Variants in AMOTL1 observed in about 807,000 individuals in gnomAD.
The protein encoded by AMOTL1 is angiomotin like 1.
In AMOTL1, 45 loss-of-function variants were observed where a neutral mutation model predicts 102.9. The observed-to-expected ratio is 0.44, with a 90% CI of 0.34 to 0.56. The LOEUF (loss-of-function observed/expected upper bound fraction) is 0.56, where lower values mean the gene tolerates loss of function less well. Ranked by LOEUF, AMOTL1 falls within the 20% of genes least tolerant of loss-of-function variation. The pLI is 0.01. For synonymous variants in AMOTL1, 481 were observed against 484.7 expected (o/e 0.99, Z 0.10); for missense variants, 1,114 against 1,225.6 (o/e 0.91, Z 1.36).
At chr11:94,849,485 G>A (rs1286175787) in intron 6 of AMOTL1, among the ~76,000 whole-genome samples, 1 of 152,176 alleles carries the variant, frequency 6.6e-6, no homozygotes, top group African/African-American at 2.4e-5. Context: ...GAGAGGCAGT[G>A]ATCGCCATCA....
chr11:94,773,235 A>T (rs1050201978), intron 1 of AMOTL1, among the ~76,000 whole-genome samples: 1 of 152,226 alleles, frequency 6.6e-6, no homozygotes, highest in Non-Finnish European at 1.5e-5. Context: ...TCCAGTTGAT[A>T]GATTCCTTTT....
intron 6 of AMOTL1, among the ~76,000 whole-genome samples, chr11:94,849,507 T>C (rs761851273): frequency 6.6e-5 from 10 of 152,144 alleles, no homozygotes; most frequent in African/African-American, 2.4e-5. Flanking sequence ...TACATCACCA[T>C]TGAATGAGAG....
chr11:94,762,158 G>C (rs984156749), intron 3 of AMOTL1, among the ~76,000 whole-genome samples: 1 of 152,146 alleles, frequency 6.6e-6, no homozygotes, highest in African/African-American at 2.4e-5. Context: ...CATGAAAAGA[G>C]GAAAGGGAAG....
chr11:94,730,200 C>T (rs952129011), intron 2 of AMOTL1, among the ~76,000 whole-genome samples: 2 of 152,180 alleles, frequency 1.3e-5, no homozygotes, highest in Non-Finnish European at 2.9e-5. Context: ...CCTTCCAGAT[C>T]TGACCTCTGC....
intron 11 of AMOTL1, chr11:94,866,406 C>T (rs1952884349): frequency 3.7e-6 from 2 of 541,692 alleles, no homozygotes; most frequent in East Asian, 6.5e-5. Context: ...TCAGAATTAT[C>T]TATTATTGTT....
chr11:94,768,308 C>T (rs1950882854), upstream of AMOTL1: 1 of 1,352,036 alleles, frequency 7.4e-7, no homozygotes, highest in East Asian at 3.0e-5. Context: ...GCCCGGGCGA[C>T]CCTCCCCGGC....
intron 3 of AMOTL1, among the ~76,000 whole-genome samples, chr11:94,756,568 T>G (rs1950727831): frequency 6.6e-6 from 1 of 152,234 alleles, no homozygotes; most frequent in South Asian, 2.1e-4. Context: ...ACTGATTTCA[T>G]GACCCACAAT....
At chr11:94,779,116 T>C (rs1951070237) in intron 1 of AMOTL1, among the ~76,000 whole-genome samples, 1 of 152,204 alleles carries the variant, frequency 6.6e-6, no homozygotes, top group Non-Finnish European at 1.5e-5. Context: ...CAGACATGTA[T>C]TAAACTGCTA....
intron 1 of AMOTL1, among the ~76,000 whole-genome samples, chr11:94,720,029 G>A (rs1950152737): frequency 6.6e-6 from 1 of 152,240 alleles, no homozygotes; most frequent in African/African-American, 2.4e-5. Flanking sequence ...CACTGCTGTA[G>A]ATGATGTGAG....
chr11:94,794,990 A>C (rs1277431740), intron 1 of AMOTL1, 21 bp from the exon 2 acceptor site: 1 of 1,598,286 alleles, frequency 6.3e-7, no homozygotes, highest in Non-Finnish European at 8.5e-7. Context: ...ACTCATATTC[A>C]CTTCGCTTTC....
At chr11:94,865,560 T>C (rs1446790673) in intron 10 of AMOTL1, among the ~76,000 whole-genome samples, 1 of 152,188 alleles carries the variant, frequency 6.6e-6, no homozygotes, top group African/African-American at 2.4e-5. Context: ...AAATTGACTT[T>C]AGCTGAAAGC....
At chr11:94,775,529 A>C (rs1404065267) in intron 1 of AMOTL1, among the ~76,000 whole-genome samples, 1 of 151,852 alleles carries the variant, frequency 6.6e-6, no homozygotes, top group Non-Finnish European at 1.5e-5. Flanking sequence ...GATCTGGCCC[A>C]CATCTATGTT....
chr11:94,860,705 A>C (rs1249136375), intron 9 of AMOTL1, among the ~76,000 whole-genome samples: 1 of 152,244 alleles, frequency 6.6e-6, no homozygotes, highest in African/African-American at 2.4e-5. Context: ...GGATAAATTT[A>C]TGTGGAAAGG....
intron 2 of AMOTL1, among the ~76,000 whole-genome samples, chr11:94,798,922 G>C (rs1951415184): frequency 6.6e-6 from 1 of 152,102 alleles, no homozygotes; most frequent in Admixed American, 6.6e-5. Flanking sequence ...TGGAGCATTT[G>C]GGAAGGGGAG....
chr11:94,770,500 T>A (rs1950932367), intron 1 of AMOTL1, among the ~76,000 whole-genome samples: 1 of 152,064 alleles, frequency 6.6e-6, no homozygotes. Context: ...GGAGTGCACT[T>A]TTGTTTTTCT....
intron 1 of AMOTL1, among the ~76,000 whole-genome samples, chr11:94,724,479 A>G (rs888133757): frequency 2.6e-5 from 4 of 152,188 alleles, no homozygotes; most frequent in African/African-American, 9.6e-5. Flanking sequence ...CTGAATAAGC[A>G]TATACTGGAA....
At chr11:94,813,483 A>C (rs1351670268) in intron 3 of AMOTL1, among the ~76,000 whole-genome samples, 1 of 152,180 alleles carries the variant, frequency 6.6e-6, no homozygotes, top group African/African-American at 2.4e-5. Context: ...GCAATTCTTT[A>C]TTCCATAAGT....
chr11:94,854,254 C>T (rs114030787), intron 8 of AMOTL1, among the ~76,000 whole-genome samples, 172 bp downstream of exon 8: 4 of 152,160 alleles, frequency 2.6e-5, no homozygotes, highest in East Asian at 3.9e-4. Flanking sequence ...GCGAGCAGTC[C>T]GCTCACTGGA....
chr11:94,732,898 A>T (rs1950376692), intron 2 of AMOTL1, among the ~76,000 whole-genome samples: 1 of 152,220 alleles, frequency 6.6e-6, no homozygotes, highest in Non-Finnish European at 1.5e-5. Context: ...TTATATAAAC[A>T]GGAAGGAGCA....
Sources: gnomAD v4.1 joint callset for allele counts (sites outside exome capture counted in the v4.1 genomes callset) on GRCh38, gnomAD v4.1.1 for gene constraint, MANE v1.5 for transcripts, NCBI Gene and HGNC (gene_info 2026-07-23, HGNC 2026-07-21) for gene names.